TTN: variants seen among roughly 807,000 people sequenced by gnomAD.
TTN encodes titin.
Under a neutral mutation model 3,223.0 loss-of-function variants are expected in TTN, and 1,525 were observed. The observed-to-expected ratio is 0.47, with a 90% CI of 0.45 to 0.49. The LOEUF is 0.49. Among genes scored for constraint, TTN ranks in the 20% least tolerant of loss-of-function variants. The probability of loss-of-function intolerance (pLI) is 0.00; values close to 1 mark genes in which losing one functional copy is unlikely to be tolerated. For synonymous variants in TTN, 14,094 were observed against 15,161.0 expected (o/e 0.93, Z 5.17); for missense variants, 40,786 against 43,424.0 (o/e 0.94, Z 5.40).
chr2:178,534,956 C>T lies in TTN; in HGVS notation c.101659G>A (p.Glu33887Lys), dbSNP rs1455680068. The T allele has an allele frequency of 4.3e-6, 7 of 1,612,770 alleles. No homozygotes were observed. In the Admixed American group the frequency reaches 1.2e-4, roughly 27 times the overall value. The change falls in exon 358 of 363, where the codon GAA (glutamate) becomes AAA (lysine). Residue 33887 changes from glutamate to lysine, a missense_variant. By Grantham distance (56) the Glu-to-Lys change is moderately conservative. Coordinates refer to ENST00000589042, the MANE Select transcript of TTN (RefSeq NM_001267550.2). ...ATAAACTCAAAGATCATAACTAATT[C>T]TTCCATGCTTTCAAATGATTCATGG... Reference protein sequence around the residue: ...HLHESFESMEELVMIFEFISG... With the variant: ...HLHESFESMEKLVMIFEFISG...
chr2:178,601,202 G>A (rs373333820), intron 287 of TTN, 31 bp from the exon 288 acceptor site: 125 of 1,519,954 alleles, frequency 8.2e-5, no homozygotes, highest in Non-Finnish European at 9.7e-5. Context: ...AGTATTAAGC[G>A]TTGTTTATAA....
chr2:178,672,926 TC>T (rs985994881), intron 152 of TTN, among the ~76,000 whole-genome samples: 25 of 151,936 alleles, frequency 1.6e-4, no homozygotes, highest in African/African-American at 5.8e-4. Flanking sequence ...CCTGTGCCAT[TC>T]TTTTTTTTTT....
chr2:178,728,897 C>T lies in TTN; in HGVS notation c.19141G>A (p.Val6381Ile). 1 of 1,594,694 alleles carries T rather than the reference C, an allele frequency of 6.3e-7. No homozygotes were observed. The highest frequency in any genetic ancestry group is 1.7e-4 in the Middle Eastern group (1 of 5,956). The stretch of plus-strand genomic sequence containing the variant: ...AAGAGAATAGCTTACAAACCTTGTA[C>T]TAAAAGGAAAGCATAACACCTCTCA... ...GVERCYAFLLVQEPAQIVEKA... is the reference protein window; with the variant it reads ...GVERCYAFLLIQEPAQIVEKA... Residue 6381 changes from valine to isoleucine, a missense_variant, in exon 65 of 363, where the codon GTA becomes ATA. Physicochemically the swap from Val to Ile is conservative, Grantham distance 29. Coordinates refer to ENST00000589042, the MANE Select transcript of TTN (RefSeq NM_001267550.2).
intron 114 of TTN, 120 bp downstream of exon 114, chr2:178,695,745 A>T (rs1329362076): frequency 1.2e-6 from 1 of 842,234 alleles, no homozygotes; most frequent in Non-Finnish European, 1.7e-6. Flanking sequence ...ACCTTAAAAA[A>T]ATCTAAGATC....
chr2:178,730,008 G>T (rs2080114948), intron 62 of TTN, 63 bp from the exon 63 acceptor site: 5 of 1,595,222 alleles, frequency 3.1e-6, no homozygotes, highest in Admixed American at 1.8e-5. Context: ...GGGCAAAACT[G>T]CTGTCTTAAG....
rs727504598 is a variant in TTN at position 178,601,269 on chromosome 2, C to T, written c.55728G>A (p.Pro18576=). 7.8e-6 allele frequency: 12 copies of T among 1,542,484 alleles called. No individual in the cohort carries two copies. Among genetic ancestry groups the T allele is most frequent in the Middle Eastern group, 1.7e-4 (1 of 5,734 alleles). The part of the protein sequence containing the change: ...ETIQRTTARD[P]IYPPDPPIKL... ...AATTTAGATTTTAAAGCTTACATATCGGATCTCTGGCAGTGGTCCTCTGAA... is the reference window on the plus strand; with the variant it reads ...AATTTAGATTTTAAAGCTTACATATTGGATCTCTGGCAGTGGTCCTCTGAA... Residue 18576 remains proline (P), a synonymous_variant, in exon 287 of 363, where the codon CCG becomes CCA. Transcript: ENST00000589042.
rs1439310142 is a variant in TTN at position 178,617,347 on chromosome 2, A to G, written c.47738T>C (p.Leu15913Pro). 1.3e-6 allele frequency: 2 copies of G among 1,581,428 alleles called. No homozygotes were observed. Among genetic ancestry groups the G allele is most frequent in the Non-Finnish European group, 1.7e-6 (2 of 1,167,354 alleles). Residue 15913 changes from leucine to proline, a missense_variant, in exon 254 of 363, where the codon CTT (leucine) becomes CCT (proline). Transcript: ENST00000589042. ...TACCTTGTAAGTCAGTTCAGGGACA[A>G]GTTTCATATTGCAACGAATCCAATT... is the stretch of plus-strand genomic sequence containing the variant. ...KDNWIRCNMK[L>P]VPELTYKVTG...
At chr2:178,637,558 A>G (rs2060659496) in intron 223 of TTN, 139 bp from the exon 224 acceptor site, 7 of 411,376 alleles carry the variant, frequency 1.7e-5, no homozygotes, top group Admixed American at 4.6e-5. Context: ...TATGACTTCT[A>G]TGGATAATCA....
chr2:178,604,754 G>C lies in TTN; in HGVS notation c.54335C>G (p.Ala18112Gly). 1 of 1,611,880 alleles carries C rather than the reference G, an allele frequency of 6.2e-7. No individual in the cohort carries two copies. Among genetic ancestry groups the C allele is most frequent in the Non-Finnish European group, 8.5e-7 (1 of 1,178,786 alleles). ...AGTGTTGGTGACTTCCTCCCATTCTGCTTTCTTCCTACTTGCATCACGTTT... is the reference window on the plus strand; with the variant it reads ...AGTGTTGGTGACTTCCTCCCATTCTCCTTTCTTCCTACTTGCATCACGTTT... ...IDKRDASRKK[A>G]EWEEVTNTAV... The change falls in exon 281 of 363, where the codon GCA (alanine) becomes GGA (glycine). Residue 18112 changes from alanine to glycine, a missense_variant. Physicochemically the swap from Ala to Gly is moderately conservative, Grantham distance 60. Transcript: ENST00000589042.
chr2:178,799,866 T>C lies in TTN; in HGVS notation c.628A>G (p.Thr210Ala), dbSNP rs777677253. The change falls in exon 5 of 363, where the codon ACT (threonine) becomes GCT (alanine). Residue 210 changes from threonine (T) to alanine (A), a missense_variant. Transcript: ENST00000589042. ...PAKKTKTIVS[T>A]AQISESRQTR... is the part of the protein sequence containing the mutation. ...TGTCTTGATTCTGAGATCTGAGCAG[T>C]CGAAACAATTGTCTTTGTCTTTTTA... 21 of 1,614,120 alleles carry C rather than the reference T, an allele frequency of 1.3e-5. No individual in the cohort carries two copies. The highest frequency in any genetic ancestry group is 6.7e-5 in the East Asian group (3 of 44,872).
chr2:178,760,848 G>GGTGTGTGTGTGTGTGTGTGT (rs3045724), intron 43 of TTN: 27 of 145,472 alleles, frequency 1.9e-4, no homozygotes, highest in African/African-American at 6.1e-4. Flanking sequence ...TGTGTGAAGG[G>GGTGTGTGTGTGTGTGTGTGT]GTGTGTGTGT....
rs181170338 is a variant in TTN at position 178,538,494 on chromosome 2, C to T, written c.99289+46G>A. On this transcript the variant is annotated intron_variant, in intron 354 of 362. Transcript: ENST00000589042. ...AGTATAGAGGGGGAATTAGCCTTAA[C>T]TTGTTTAGTTTGTAAATCATAAGTA... The T allele has an allele frequency of 2.5e-5, 38 of 1,548,398 alleles. 1 individual carries two copies. The Admixed American group carries it at 6.9e-4, about 28-fold the overall frequency.
At chr2:178,678,945 TA>T in intron 142 of TTN, 115 bp from the exon 143 acceptor site, 1 of 838,898 alleles carries the variant, frequency 1.2e-6, no homozygotes, top group African/African-American at 1.8e-5. Flanking sequence ...AATTTCACTT[TA>T]AGACTGAAAA....
Position 178,572,630 on chromosome 2 carries a change from A to G in TTN, c.73502T>C (p.Val24501Ala), listed in dbSNP as rs1400873497. 6.2e-7 allele frequency: 1 copy of G among 1,613,192 alleles called. No homozygotes were observed. The highest frequency in any genetic ancestry group is 8.5e-7 in the Non-Finnish European group (1 of 1,179,538). Reference sequence around the variant, plus strand: ...AGACTTGCTGCCTGAACTATTTTCTACAGTTAGTATATATTTGCCACTGTC... The same window carrying G: ...AGACTTGCTGCCTGAACTATTTTCTGCAGTTAGTATATATTTGCCACTGTC... Reference protein sequence around the residue: ...RFDSGKYILTVENSSGSKSAF... With the variant: ...RFDSGKYILTAENSSGSKSAF... Residue 24501 changes from valine to alanine, a missense_variant, in exon 326 of 363, where the codon GTA becomes GCA. Coordinates refer to ENST00000589042, the MANE Select transcript of TTN (RefSeq NM_001267550.2).
At chr2:178,651,186 G>T in intron 208 of TTN, 57 bp downstream of exon 208, 2 of 1,410,668 alleles carry the variant, frequency 1.4e-6, no homozygotes, top group South Asian at 1.3e-5. Flanking sequence ...TTGATAATAG[G>T]TGACTTATTA....
In TTN at chr2:178,572,617, T is replaced by G; in HGVS notation, c.73515A>C (p.Ser24505=). The G allele has an allele frequency of 6.2e-7, 1 of 1,613,252 alleles. No individual in the cohort carries two copies. The highest frequency in any genetic ancestry group is 1.1e-5 in the South Asian group (1 of 90,982). ...CATTGACAAATGCAGACTTGCTGCC[T>G]GAACTATTTTCTACAGTTAGTATAT... ...GKYILTVENS[S]GSKSAFVNVR... The change falls in exon 326 of 363, where the codon TCA becomes TCC. Residue 24505 remains serine, a synonymous_variant. Coordinates refer to ENST00000589042, the MANE Select transcript of TTN (RefSeq NM_001267550.2).
intron 47 of TTN, chr2:178,746,806 T>C: frequency 1.9e-6 from 3 of 1,613,412 alleles, no homozygotes; most frequent in Non-Finnish European, 2.5e-6. Context: ...AGCCTAGTGT[T>C]GTGTTTTCAT....
intron 127 of TTN, among the ~76,000 whole-genome samples, chr2:178,686,926 G>T (rs1349489022): frequency 6.6e-6 from 1 of 152,180 alleles, no homozygotes; most frequent in Admixed American, 6.5e-5. Context: ...AACACTTTTA[G>T]AAAAGATGGA....
chr2:178,738,510 TG>T lies in TTN; in HGVS notation c.14093-151del, dbSNP rs1478598616. ...CAGTTTAAGGCAAGTGACTGGAAAA[TG>T]AGAAAGATCATTGAAGGCAAAAGAA... On this transcript the variant is annotated intron_variant, in intron 48 of 362. Coordinates refer to ENST00000589042, the MANE Select transcript of TTN (RefSeq NM_001267550.2). 4.0e-5 allele frequency: 40 copies of T among 991,632 alleles called. No homozygotes were observed. The African/African-American group carries it at 6.4e-4, about 16-fold the overall frequency. 61.4% of individuals were successfully genotyped at this position (991,632 alleles called of 1,614,324 possible).
Sources: allele counts gnomAD v4.1 joint callset (sites outside exome capture counted in the v4.1 genomes callset), GRCh38; gene constraint gnomAD v4.1.1; transcripts MANE v1.5; gene names NCBI Gene and HGNC (gene_info 2026-07-23, HGNC 2026-07-21).